Variants in CA12 observed in about 807,000 individuals in gnomAD.
CA12 encodes carbonic anhydrase 12.
Under a neutral mutation model 46.8 loss-of-function variants are expected in CA12, and 36 were observed. The ratio of observed to expected loss-of-function variants is 0.77; its 90% confidence interval spans 0.59 to 1.02. The LOEUF is 1.02. Ranked by LOEUF, CA12 falls within the 50% of genes least tolerant of loss-of-function variation. The probability of loss-of-function intolerance (pLI) is 0.00; values close to 1 mark genes in which losing one functional copy is unlikely to be tolerated. For missense variants in CA12, 436 were observed against 451.4 expected, an observed-to-expected ratio of 0.97 and a Z score of 0.31; for synonymous variants, 202 against 187.0, an observed-to-expected ratio of 1.08 and a Z score of -0.65.
In CA12 at chr15:63,338,682, G is replaced by A. The variant is rs530039872; in HGVS notation, c.874+137C>T. On this transcript the variant is annotated intron_variant, in intron 8 of 10. Coordinates refer to ENST00000178638, the MANE Select transcript of CA12 (RefSeq NM_001218.5). ...AGCCCCACACCTAGTCTCACAAGGCGCCTGGTTCCCGTGGCAGCCAGGGAG... is the reference window on the plus strand; with the variant it reads ...AGCCCCACACCTAGTCTCACAAGGCACCTGGTTCCCGTGGCAGCCAGGGAG... 1.1e-4 allele frequency: 120 copies of A among 1,134,050 alleles called. No individual in the cohort carries two copies. The African/African-American group carries it at 1.6e-3, about 15-fold the overall frequency. The allele number at this position is 1,134,050 out of a possible 1,614,324, so 70.2% of individuals were successfully genotyped here. A position where few individuals can be genotyped will look rare whatever the true frequency, so the allele number is the denominator to read the frequency against.
At chr15:63,375,702 G>A (rs900814338) in intron 1 of CA12, 24 bp from the exon 2 acceptor site, 11 of 1,570,362 alleles carry the variant, frequency 7.0e-6, no homozygotes, top group Non-Finnish European at 9.6e-6. Context: ...AACACAGTAA[G>A]TAAGTACAAT....
chr15:63,346,892 G>T (rs1411990351), intron 2 of CA12, among the ~76,000 whole-genome samples, 183 bp from the exon 3 acceptor site: 1 of 152,190 alleles, frequency 6.6e-6, no homozygotes, highest in Admixed American at 6.5e-5. Flanking sequence ...AGGACCACCT[G>T]CTCTTAAGTG....
chr15:63,327,190 A>G lies in CA12; in HGVS notation c.951T>C (p.Cys317=). The change falls in exon 10 of 11, where the codon TGT becomes TGC. Residue 317 remains cysteine, a synonymous_variant. Coordinates refer to ENST00000178638, the MANE Select transcript of CA12 (RefSeq NM_001218.5). This position sits in a 1 kb window ranked among gnomAD's most constrained non-coding sequence, Gnocchi z 4.5. ...GCCAAATGGACACCACCACCACAAT[A>G]CAGATGCCAAGAATGCCAGCCAGGG... The part of the protein sequence containing the change: ...SLALAGILGI[C]IVVVVSIWLF... 6.2e-7 allele frequency: 1 copy of G among 1,614,032 alleles called. No individual in the cohort carries two copies. The highest frequency in any genetic ancestry group is 8.5e-7 in the Non-Finnish European group (1 of 1,179,946).
intron 2 of CA12, among the ~76,000 whole-genome samples, chr15:63,364,043 C>T (rs551072384): frequency 5.3e-5 from 8 of 151,910 alleles, no homozygotes; most frequent in Non-Finnish European, 8.8e-5. Flanking sequence ...CAAAATTAGC[C>T]GGGCGTGGTG....
At chr15:63,367,344 A>C (rs78231957) in intron 2 of CA12, among the ~76,000 whole-genome samples, 1 of 152,244 alleles carries the variant, frequency 6.6e-6, no homozygotes, top group African/African-American at 2.4e-5. Flanking sequence ...ACACTGCCTC[A>C]TACTTGCTTC....
In CA12 at chr15:63,373,911, C is replaced by A. The variant is rs1425619362; in HGVS notation, c.106+1747G>T. 1.3e-5 allele frequency among the ~76,000 whole-genome samples: 2 copies of A among 152,212 alleles called. No individual in the cohort carries two copies. Among genetic ancestry groups the A allele is most frequent in the African/African-American group, 2.4e-5 (1 of 41,446 alleles). ...GGAACCTGCCCAAGGGGCCCTGTGG[C>A]CCAGATTCTGCGATTCTTACTTTGT... On this transcript the variant is annotated intron_variant, in intron 2 of 10. Coordinates refer to ENST00000178638, the MANE Select transcript of CA12 (RefSeq NM_001218.5). This position sits in a 1 kb window ranked among gnomAD's most constrained non-coding sequence, Gnocchi z 4.9.
In CA12 at chr15:63,372,423, C is replaced by A. The variant is rs1306929704; in HGVS notation, c.106+3235G>T. Among the ~76,000 whole-genome samples, 2 of 152,210 alleles carry A rather than the reference C, an allele frequency of 1.3e-5. No individual in the cohort carries two copies. The highest frequency in any genetic ancestry group is 2.9e-5 in the Non-Finnish European group (2 of 68,036). On this transcript the variant is annotated intron_variant, in intron 2 of 10. Coordinates refer to ENST00000178638, the MANE Select transcript of CA12 (RefSeq NM_001218.5). This position sits in a 1 kb window ranked among gnomAD's most constrained non-coding sequence, Gnocchi z 4.5. Reference sequence around the variant, plus strand: ...CCTCCTCTCTCCAGGGAGGAGCCATCCATGCAGTCAGCCTGGTGACTCAGC... The same window carrying A: ...CCTCCTCTCTCCAGGGAGGAGCCATACATGCAGTCAGCCTGGTGACTCAGC...
In CA12 at chr15:63,339,424, A is replaced by G. The variant is rs1052199594; in HGVS notation, c.748-479T>C. Among the ~76,000 whole-genome samples, 13 of 152,176 alleles carry G rather than the reference A, an allele frequency of 8.5e-5. No individual in the cohort carries two copies. Among genetic ancestry groups the G allele is most frequent in the African/African-American group, 2.4e-4 (10 of 41,436 alleles). Reference sequence around the variant, plus strand: ...TGCGGGTTCCATGGCATTTTCATGCACCTGCATAGATTATATAACCCTTTC... The same window carrying G: ...TGCGGGTTCCATGGCATTTTCATGCGCCTGCATAGATTATATAACCCTTTC... On this transcript the variant is annotated intron_variant, in intron 7 of 10. Coordinates refer to ENST00000178638, the MANE Select transcript of CA12 (RefSeq NM_001218.5). The surrounding 1 kb of genome is among the most constrained non-coding windows in gnomAD (Gnocchi z 4.3).
intron 2 of CA12, among the ~76,000 whole-genome samples, chr15:63,371,647 TGCA>T (rs1219901022): frequency 6.6e-6 from 1 of 152,202 alleles, no homozygotes; most frequent in Non-Finnish European, 1.5e-5. Flanking sequence ...TTTAAGACTT[TGCA>T]GATCTTGAGC....
At chr15:63,346,418 C>T in intron 3 of CA12, 112 bp downstream of exon 3, 2 of 780,302 alleles carry the variant, frequency 2.6e-6, no homozygotes. Flanking sequence ...CCGCCCCACC[C>T]CTCCTCCTGG....
Position 63,341,906 on chromosome 15 carries a change from A to T in CA12, c.525+96T>A, listed in dbSNP as rs529259139. 1.1e-4 allele frequency: 91 copies of T among 838,200 alleles called. 1 individual carries two copies. The African/African-American group carries it at 1.4e-3, about 13-fold the overall frequency. The allele number at this position is 838,200 out of a possible 1,614,324, so 51.9% of individuals were successfully genotyped here. On this transcript the variant is annotated intron_variant, in intron 5 of 10. Coordinates refer to ENST00000178638, the MANE Select transcript of CA12 (RefSeq NM_001218.5). This position sits in a 1 kb window ranked among gnomAD's most constrained non-coding sequence, Gnocchi z 5.2. ...GTTGACACGGAGTCGATACAGGAAC[A>T]GCTGATTATCAACAGGTATGCATGG... is the stretch of plus-strand genomic sequence containing the variant.
Position 63,322,713 on chromosome 15 carries a change from G to A in CA12, c.*3572C>T, listed in dbSNP as rs1233275814. The A allele has an allele frequency of 4.6e-5, 7 of 152,376 alleles. No individual in the cohort carries two copies. Among genetic ancestry groups the A allele is most frequent in the East Asian group, 3.9e-4 (2 of 5,192 alleles). The allele number at this position is 152,376 out of a possible 1,614,324, so 9.4% of individuals were successfully genotyped here. ...AGCAAGTCCAAGGAGTGAGTGCTTC[G>A]TGGGAACTCTGGCTTCCCGGCTGTC... On this transcript the variant is annotated 3_prime_UTR_variant, in exon 11 of 11. Transcript: ENST00000178638. This position sits in a 1 kb window ranked among gnomAD's most constrained non-coding sequence, Gnocchi z 4.1.
At position 63,339,931 on chromosome 15, in the gene CA12, A is replaced by G. The variant is rs1032124460; in HGVS notation, c.747+357T>C. ...CTCACTTAGTCATTGCTGCAATCCC[A>G]TCTCTTAAATGATTTCATCTGATCC... On this transcript the variant is annotated intron_variant, in intron 7 of 10. Transcript: ENST00000178638. This position sits in a 1 kb window ranked among gnomAD's most constrained non-coding sequence, Gnocchi z 4.3. 2 of 348,468 alleles carry G rather than the reference A, an allele frequency of 5.7e-6. No individual in the cohort carries two copies. Among genetic ancestry groups the G allele is most frequent in the African/African-American group, 2.1e-5 (1 of 46,870 alleles). The allele number at this position is 348,468 out of a possible 1,614,324, so 21.6% of individuals were successfully genotyped here.
chr15:63,334,061 C>A (rs908488300), intron 8 of CA12, among the ~76,000 whole-genome samples: 2 of 152,034 alleles, frequency 1.3e-5, no homozygotes, highest in Non-Finnish European at 2.9e-5. Context: ...AGGCCAAAGC[C>A]CTAAGCCTGA....
At chr15:63,326,456 G>A in intron 10 of CA12, 99 bp from the exon 11 acceptor site, 1 of 922,528 alleles carries the variant, frequency 1.1e-6, no homozygotes, top group East Asian at 2.4e-5. Flanking sequence ...TTTAAAAGTT[G>A]GATTCCTCTC....
intron 8 of CA12, among the ~76,000 whole-genome samples, chr15:63,332,777 A>G (rs1322692242): frequency 6.6e-6 from 1 of 152,246 alleles, no homozygotes; most frequent in African/African-American, 2.4e-5. Context: ...TTATGTGTAA[A>G]TCATTCTGCA....
At position 63,326,021 on chromosome 15, in the gene CA12, C is replaced by T. The variant is rs1173312231; in HGVS notation, c.*264G>A. ...GTTTGTGATTCCAGAATTCAGACCA[C>T]TTCACAATCTCACACAGTTACAGCA... On this transcript the variant is annotated 3_prime_UTR_variant, in exon 11 of 11. Transcript: ENST00000178638. 6.0e-6 allele frequency: 3 copies of T among 500,806 alleles called. No individual in the cohort carries two copies. The highest frequency in any genetic ancestry group is 3.6e-5 in the East Asian group (1 of 27,956). 31.0% of individuals were successfully genotyped at this position (500,806 alleles called of 1,614,324 possible). A position where few individuals can be genotyped will look rare whatever the true frequency, so the allele number is the denominator to read the frequency against.
Position 63,339,088 on chromosome 15 carries a change from C to A in CA12, c.748-143G>T. On this transcript the variant is annotated intron_variant, in intron 7 of 10. Coordinates refer to ENST00000178638, the MANE Select transcript of CA12 (RefSeq NM_001218.5). The surrounding 1 kb of genome is among the most constrained non-coding windows in gnomAD (Gnocchi z 4.3). Reference sequence around the variant, plus strand: ...GGGCCGGGTGGGAGATATTAGAAAGCAGAGGGAAAGCCACAGAACTGCTTC... The same window carrying A: ...GGGCCGGGTGGGAGATATTAGAAAGAAGAGGGAAAGCCACAGAACTGCTTC... 9.4e-7 allele frequency: 1 copy of A among 1,058,758 alleles called. No individual in the cohort carries two copies. Among genetic ancestry groups the A allele is most frequent in the South Asian group, 1.4e-5 (1 of 73,336 alleles). The allele number at this position is 1,058,758 out of a possible 1,614,324, so 65.6% of individuals were successfully genotyped here.
At chr15:63,332,921 TTGTAGTA>T (rs1333395041) in intron 8 of CA12, among the ~76,000 whole-genome samples, 1 of 152,200 alleles carries the variant, frequency 6.6e-6, no homozygotes, top group Non-Finnish European at 1.5e-5. Flanking sequence ...CTTAAGGAGC[TTGTAGTA>T]TGTGTATAAT....
Sources: gnomAD v4.1 joint callset for allele counts (sites outside exome capture counted in the v4.1 genomes callset) on GRCh38, gnomAD v4.1.1 for gene constraint, Gnocchi (gnomAD v3.1) non-coding constraint, MANE v1.5 for transcripts, NCBI Gene and HGNC (gene_info 2026-07-23, HGNC 2026-07-21) for gene names.